Variants in MAGI1 observed in about 807,000 individuals in gnomAD.
The protein encoded by MAGI1 is membrane associated guanylate kinase, WW and PDZ domain containing 1, also known as membrane-associated guanylate kinase, WW and PDZ domain-containing protein 1.
MAGI1 carries 58 observed loss-of-function variants against 139.9 expected under a neutral mutation model. That is an observed-to-expected ratio of 0.41 (90% CI 0.34 to 0.52). MAGI1 has a LOEUF of 0.52. Ranked by LOEUF, MAGI1 falls within the 20% of genes least tolerant of loss-of-function variation. The pLI is 0.12. For missense variants in MAGI1, 1,874 were observed against 1,901.6 expected, an observed-to-expected ratio of 0.99 and a Z score of 0.27; for synonymous variants, 812 against 737.9, an observed-to-expected ratio of 1.10 and a Z score of -1.63.
At chr3:65,978,816 G>A (rs1263887352) in intron 1 of MAGI1, among the ~76,000 whole-genome samples, 2 of 151,756 alleles carry the variant, frequency 1.3e-5, no homozygotes, top group Middle Eastern at 3.4e-3. Flanking sequence ...TAGTACAGAC[G>A]GGGTCTCATC....
intron 1 of MAGI1, among the ~76,000 whole-genome samples, chr3:66,025,710 CTG>C (rs762351762): frequency 2.0e-5 from 3 of 151,738 alleles, no homozygotes; most frequent in Non-Finnish European, 4.4e-5. Context: ...GTGTGTGTGT[CTG>C]TGTGTGTGTA....
At chr3:65,728,644 C>G (rs73832935) in intron 1 of MAGI1, among the ~76,000 whole-genome samples, 3 of 152,124 alleles carry the variant, frequency 2.0e-5, no homozygotes, top group Admixed American at 1.3e-4. Context: ...TGTGGCACAG[C>G]TGAACTTTTA....
intron 1 of MAGI1, among the ~76,000 whole-genome samples, chr3:65,990,844 G>A (rs1327218312): frequency 6.6e-6 from 1 of 152,124 alleles, no homozygotes; most frequent in Admixed American, 6.5e-5. Flanking sequence ...GATCTCAGCT[G>A]GATGTGGTGG....
intron 1 of MAGI1, among the ~76,000 whole-genome samples, chr3:65,811,964 G>A (rs560038525): frequency 1.3e-5 from 2 of 151,778 alleles, no homozygotes; most frequent in South Asian, 2.1e-4. Flanking sequence ...GTGTGTGAGA[G>A]AGAGAGCGTG....
At chr3:65,859,962 C>T (rs1222875345) in intron 1 of MAGI1, among the ~76,000 whole-genome samples, 3 of 150,920 alleles carry the variant, frequency 2.0e-5, no homozygotes, top group African/African-American at 7.3e-5. Flanking sequence ...ATGGCGCGAT[C>T]TCGGCTCACT....
intron 1 of MAGI1, among the ~76,000 whole-genome samples, chr3:65,672,003 A>G (rs1038444830): frequency 1.3e-5 from 2 of 152,182 alleles, no homozygotes; most frequent in Admixed American, 6.5e-5. Context: ...TTTCCACTTC[A>G]CACACCTGAG....
intron 1 of MAGI1, among the ~76,000 whole-genome samples, chr3:65,892,386 C>T (rs1184895941): frequency 6.6e-6 from 1 of 152,036 alleles, no homozygotes; most frequent in Non-Finnish European, 1.5e-5. Context: ...TTTTGATGGA[C>T]ATAAAATAAT....
At chr3:65,839,534 G>A (rs2058736944) in intron 1 of MAGI1, among the ~76,000 whole-genome samples, 1 of 152,040 alleles carries the variant, frequency 6.6e-6, no homozygotes, top group South Asian at 2.1e-4. Flanking sequence ...AATGGAGGAA[G>A]GACAGTCTTC....
At chr3:65,414,520 A>G (rs1946041709) in intron 12 of MAGI1, among the ~76,000 whole-genome samples, 1 of 152,130 alleles carries the variant, frequency 6.6e-6, no homozygotes, top group Non-Finnish European at 1.5e-5. Context: ...CCAGAGCCCC[A>G]CTCACACATT....
chr3:65,820,295 C>T (rs2041874555), intron 1 of MAGI1, among the ~76,000 whole-genome samples: 2 of 152,158 alleles, frequency 1.3e-5, no homozygotes. Context: ...TGGTGCTTTT[C>T]TGCTACAGTT....
intron 22 of MAGI1, chr3:65,360,582 C>T (rs1219201943): frequency 1.6e-5 from 16 of 985,002 alleles, no homozygotes; most frequent in Non-Finnish European, 1.9e-5. Context: ...TTTATTTCAT[C>T]CTTTATCATT....
At chr3:65,574,930 A>G (rs766388037) in intron 2 of MAGI1, among the ~76,000 whole-genome samples, 1 of 152,118 alleles carries the variant, frequency 6.6e-6, no homozygotes, top group Non-Finnish European at 1.5e-5. Context: ...TTCAACTCGG[A>G]ATGGATCATA....
intron 2 of MAGI1, among the ~76,000 whole-genome samples, chr3:65,607,857 A>G (rs958233465): frequency 6.6e-6 from 1 of 152,166 alleles, no homozygotes; most frequent in African/African-American, 2.4e-5. Flanking sequence ...CTTTTGTACT[A>G]CAACTATAAA....
intron 14 of MAGI1, among the ~76,000 whole-genome samples, chr3:65,387,547 T>C (rs1479558795): frequency 1.3e-5 from 2 of 152,234 alleles, no homozygotes; most frequent in Non-Finnish European, 2.9e-5. Context: ...ATGGTTTGTC[T>C]AAAACCTTAT....
At chr3:66,020,958 G>A (rs2067928964) in intron 1 of MAGI1, among the ~76,000 whole-genome samples, 1 of 151,974 alleles carries the variant, frequency 6.6e-6, no homozygotes, top group Non-Finnish European at 1.5e-5. Flanking sequence ...CGATTAAAAA[G>A]AAAAAGGCCA....
intron 1 of MAGI1, among the ~76,000 whole-genome samples, chr3:65,908,398 G>A (rs2061524068): frequency 6.6e-6 from 1 of 151,848 alleles, no homozygotes; most frequent in Non-Finnish European, 1.5e-5. Flanking sequence ...CCACCTCCCG[G>A]GTTCAAGCAA....
At chr3:65,543,801 A>C (rs1317916422) in intron 2 of MAGI1, among the ~76,000 whole-genome samples, 1 of 150,406 alleles carries the variant, frequency 6.6e-6, no homozygotes, top group Non-Finnish European at 1.5e-5. Flanking sequence ...TACCTAATGT[A>C]GATGATGGGT....
At chr3:65,502,794 GA>G (rs916956637) in intron 2 of MAGI1, among the ~76,000 whole-genome samples, 10 of 152,228 alleles carry the variant, frequency 6.6e-5, no homozygotes, top group African/African-American at 2.4e-4. Context: ...GAGGGAGACA[GA>G]AGGGTGCGTT....
chr3:65,547,905 G>GA (rs1341051975), intron 2 of MAGI1, among the ~76,000 whole-genome samples: 1 of 152,028 alleles, frequency 6.6e-6, no homozygotes, highest in African/African-American at 2.4e-5. Flanking sequence ...CACATGTTGA[G>GA]AAAAAAGGTC....
Sources: allele counts gnomAD v4.1 joint callset (sites outside exome capture counted in the v4.1 genomes callset), GRCh38; gene constraint gnomAD v4.1.1; transcripts MANE v1.5; gene names NCBI Gene and HGNC (gene_info 2026-07-23, HGNC 2026-07-21).